The following VCF1 variants were observed in gnomAD, a reference collection of about 807,000 sequenced individuals.
VCF1 encodes the protein protein VCF1.
At chr17:73,207,393 CA>C in the VCF1 span, 2 of 861,940 alleles carry the variant, frequency 2.3e-6, no homozygotes, top group South Asian at 2.8e-5. Flanking sequence ...AATGGCGGCG[CA>C]ATAGAGAAGT....
chr17:73,232,092 C>T, the VCF1 span: 1 of 1,606,106 alleles, frequency 6.2e-7, no homozygotes. Context: ...TCACCTGGGA[C>T]GGAGGCGCTC....
At chr17:73,207,390 G>A in the VCF1 span, 1 of 870,320 alleles carries the variant, frequency 1.1e-6, no homozygotes, top group African/African-American at 1.7e-5. Context: ...TTTAATGGCG[G>A]CGCAATAGAG....
the VCF1 span, among the ~76,000 whole-genome samples, chr17:73,213,906 G>A: frequency 6.6e-6 from 1 of 152,152 alleles, no homozygotes; most frequent in Non-Finnish European, 1.5e-5. Context: ...GGAGGCAGAG[G>A]TTGTACTGAG....
chr17:73,216,849 A>G, the VCF1 span, among the ~76,000 whole-genome samples: 1 of 152,148 alleles, frequency 6.6e-6, no homozygotes, highest in Non-Finnish European at 1.5e-5. Context: ...CCAGTGTGCA[A>G]AGTCAGTTTA....
the VCF1 span, among the ~76,000 whole-genome samples, chr17:73,219,191 CAAAAAAA>C: frequency 2.4e-5 from 1 of 41,872 alleles, no homozygotes; most frequent in Admixed American, 2.8e-4. Flanking sequence ...AACTCCGTCT[CAAAAAAA>C]AAAAAAAAAA....
At chr17:73,209,637 G>C in the VCF1 span, 4 of 1,559,394 alleles carry the variant, frequency 2.6e-6, no homozygotes, top group African/African-American at 2.7e-5. Flanking sequence ...GCTCGGGCAC[G>C]GGCTGAGGCG....
the VCF1 span, among the ~76,000 whole-genome samples, chr17:73,213,171 G>A: frequency 6.6e-6 from 1 of 152,096 alleles, no homozygotes; most frequent in African/African-American, 2.4e-5. Flanking sequence ...TTGAACCCAG[G>A]AGGCGGAGGT....
At chr17:73,232,198 C>G in the VCF1 span, 5 of 1,610,626 alleles carry the variant, frequency 3.1e-6, no homozygotes, top group Middle Eastern at 1.7e-4. Context: ...CGCCCACCCC[C>G]TCGGGCCTTG....
chr17:73,208,008 G>A, the VCF1 span: 7 of 1,300,384 alleles, frequency 5.4e-6, no homozygotes, highest in Non-Finnish European at 6.9e-6. Context: ...TTCCAGAACA[G>A]TTTCCACTGC....
the VCF1 span, among the ~76,000 whole-genome samples, chr17:73,224,840 CACAGG>C: frequency 6.9e-5 from 9 of 130,112 alleles, no homozygotes; most frequent in Admixed American, 2.3e-4. Context: ...CACAGCACAG[CACAGG>C]ACAGGACAGG....
chr17:73,212,652 G>T, the VCF1 span: 14 of 1,573,982 alleles, frequency 8.9e-6, no homozygotes, highest in Non-Finnish European at 1.2e-5. Flanking sequence ...TAACAAACAG[G>T]TCACTACACT....
At chr17:73,220,732 G>A in the VCF1 span, among the ~76,000 whole-genome samples, 28 of 149,920 alleles carry the variant, frequency 1.9e-4, no homozygotes, top group Admixed American at 2.7e-4. Flanking sequence ...GACATGGCCC[G>A]GCAGCCACTT....
the VCF1 span, among the ~76,000 whole-genome samples, chr17:73,216,997 T>C: frequency 1.1e-3 from 160 of 152,304 alleles, no homozygotes; most frequent in Middle Eastern, 0.017. Context: ...AAGAGAGCTA[T>C]GTGTATATTA....
chr17:73,227,396 C>T, the VCF1 span: 1 of 721,714 alleles, frequency 1.4e-6, no homozygotes. Context: ...ATATGATATC[C>T]CAATAGGTTA....
the VCF1 span, among the ~76,000 whole-genome samples, chr17:73,218,632 C>A: frequency 6.6e-6 from 1 of 152,170 alleles, no homozygotes; most frequent in African/African-American, 2.4e-5. Flanking sequence ...CGCCTGTAAT[C>A]CGAGCACTTT....
chr17:73,210,467 A>C, the VCF1 span, among the ~76,000 whole-genome samples: 1 of 150,988 alleles, frequency 6.6e-6, no homozygotes, highest in Non-Finnish European at 1.5e-5. Flanking sequence ...CCCTGATAAG[A>C]GTCACTTTCA....
the VCF1 span, among the ~76,000 whole-genome samples, chr17:73,210,296 A>G: frequency 6.6e-6 from 1 of 152,332 alleles, no homozygotes; most frequent in South Asian, 2.1e-4. Flanking sequence ...TGCAGGACAC[A>G]GACCCTGAAA....
chr17:73,217,809 T>A, the VCF1 span, among the ~76,000 whole-genome samples: 15 of 151,442 alleles, frequency 9.9e-5, no homozygotes, highest in African/African-American at 3.6e-4. Flanking sequence ...CTGTCTCTAC[T>A]AAAATACAAA....
the VCF1 span, chr17:73,212,778 AAGTC>A: frequency 6.7e-7 from 1 of 1,482,252 alleles, no homozygotes; most frequent in Non-Finnish European, 9.2e-7. Context: ...AGTTTCTAGT[AAGTC>A]AAGTTTTCAT....
Sources: allele counts gnomAD v4.1 joint callset (sites outside exome capture counted in the v4.1 genomes callset), GRCh38; gene constraint gnomAD v4.1.1; transcripts MANE v1.5; gene names NCBI Gene and HGNC (gene_info 2026-07-23, HGNC 2026-07-21).